Variants in SCFD2 observed in about 807,000 individuals in gnomAD.
The protein encoded by SCFD2 is sec1 family domain-containing protein 2.
SCFD2 carries 54 observed loss-of-function variants against 58.9 expected under a neutral mutation model. The ratio of observed to expected loss-of-function variants is 0.92; its 90% CI spans 0.74 to 1.15. The LOEUF (loss-of-function observed/expected upper bound fraction) is 1.15, where lower values mean the gene tolerates loss of function less well. Ranked by LOEUF, SCFD2 falls within the 50% of genes most tolerant of loss-of-function variation. The probability of loss-of-function intolerance (pLI) is 0.00; values close to 1 mark genes in which losing one functional copy is unlikely to be tolerated. For synonymous variants in SCFD2, 321 were observed against 335.9 expected, an observed-to-expected ratio of 0.96 and a Z score of 0.49; for missense variants, 805 against 836.6, an observed-to-expected ratio of 0.96 and a Z score of 0.47.
chr4:53,157,812 C>CT (rs1726734825), intron 4 of SCFD2, among the ~76,000 whole-genome samples: 1 of 152,168 alleles, frequency 6.6e-6, no homozygotes, highest in Non-Finnish European at 1.5e-5. Flanking sequence ...CTTTTCCTCT[C>CT]TCCACAGCTG....
At chr4:53,338,144 T>G (rs1337268504) in intron 2 of SCFD2, among the ~76,000 whole-genome samples, 1 of 152,242 alleles carries the variant, frequency 6.6e-6, no homozygotes, top group Non-Finnish European at 1.5e-5. Context: ...GCTGTATGAC[T>G]GATTTCAGAC....
chr4:53,212,840 C>A (rs558513399), intron 4 of SCFD2, among the ~76,000 whole-genome samples: 1 of 151,642 alleles, frequency 6.6e-6, no homozygotes, highest in Non-Finnish European at 1.5e-5. Context: ...TAACTCATCA[C>A]AATGATTACA....
At chr4:53,098,433 G>T (rs1432106694) in intron 5 of SCFD2, among the ~76,000 whole-genome samples, 2 of 152,128 alleles carry the variant, frequency 1.3e-5, no homozygotes, top group Non-Finnish European at 2.9e-5. Flanking sequence ...CTTCTTTGTG[G>T]TTTAGTCTTG....
chr4:53,173,403 G>A (rs1727236357), intron 4 of SCFD2, among the ~76,000 whole-genome samples: 3 of 152,030 alleles, frequency 2.0e-5, no homozygotes, highest in Admixed American at 6.6e-5. Context: ...AACTACCTCT[G>A]CTGTTTTTTG....
At chr4:53,279,550 A>G (rs537592718) in intron 3 of SCFD2, among the ~76,000 whole-genome samples, 2 of 152,338 alleles carry the variant, frequency 1.3e-5, no homozygotes, top group South Asian at 4.1e-4. Flanking sequence ...GTCTTGGGTA[A>G]AAGGTTACAG....
intron 6 of SCFD2, among the ~76,000 whole-genome samples, chr4:52,910,688 C>A (rs1705523254): frequency 6.6e-6 from 1 of 152,050 alleles, no homozygotes; most frequent in South Asian, 2.1e-4. Flanking sequence ...GTGTCCCTAC[C>A]CAAATCTCAT....
chr4:53,166,372 C>A (rs1367956253), intron 4 of SCFD2, among the ~76,000 whole-genome samples: 1 of 151,730 alleles, frequency 6.6e-6, no homozygotes, highest in Non-Finnish European at 1.5e-5. Flanking sequence ...GCTTTTGTGG[C>A]AAAAAGGAAA....
chr4:53,126,202 T>A (rs887354585), intron 5 of SCFD2, among the ~76,000 whole-genome samples: 4 of 152,224 alleles, frequency 2.6e-5, no homozygotes, highest in African/African-American at 9.6e-5. Context: ...CCTTTGCCAG[T>A]ACTACCTTAG....
At chr4:53,256,294 G>T (rs1388467896) in intron 4 of SCFD2, among the ~76,000 whole-genome samples, 3 of 147,522 alleles carry the variant, frequency 2.0e-5, no homozygotes, top group South Asian at 4.4e-4. Context: ...ATGGGGCGGC[G>T]GGGCAGAGGC....
chr4:53,296,604 A>AT (rs908860724), intron 3 of SCFD2, among the ~76,000 whole-genome samples: 5 of 151,892 alleles, frequency 3.3e-5, no homozygotes, highest in Non-Finnish European at 5.9e-5. Flanking sequence ...GGATTCACTG[A>AT]TTTTTTTGAA....
chr4:53,257,623 T>C (rs1245419416), intron 4 of SCFD2, among the ~76,000 whole-genome samples: 1 of 152,150 alleles, frequency 6.6e-6, no homozygotes, highest in Non-Finnish European at 1.5e-5. Flanking sequence ...TGGGTTTTTG[T>C]GGGGTTTTTT....
intron 4 of SCFD2, among the ~76,000 whole-genome samples, chr4:53,210,326 T>C (rs1318093585): frequency 6.6e-6 from 1 of 152,052 alleles, no homozygotes; most frequent in East Asian, 1.9e-4. Context: ...AGGCCAATAG[T>C]TCTCAAACTG....
At chr4:53,228,635 C>G (rs1446919757) in intron 4 of SCFD2, among the ~76,000 whole-genome samples, 5 of 152,058 alleles carry the variant, frequency 3.3e-5, no homozygotes, top group Non-Finnish European at 2.9e-5. Context: ...ATAATAAGAG[C>G]TATTTATGAC....
intron 4 of SCFD2, among the ~76,000 whole-genome samples, chr4:53,176,366 C>T (rs1727328501): frequency 6.6e-6 from 1 of 152,000 alleles, no homozygotes; most frequent in South Asian, 2.1e-4. Context: ...AAACACATAA[C>T]TGAAACCCTC....
chr4:52,895,997 T>G (rs1448857072), intron 7 of SCFD2, among the ~76,000 whole-genome samples: 1 of 152,230 alleles, frequency 6.6e-6, no homozygotes, highest in East Asian at 1.9e-4. Context: ...TGGCCCACTT[T>G]TTGATGGGGT....
chr4:53,217,469 G>A (rs1360685318), intron 4 of SCFD2, among the ~76,000 whole-genome samples: 1 of 152,100 alleles, frequency 6.6e-6, no homozygotes, highest in Non-Finnish European at 1.5e-5. Context: ...TGCAACCCCT[G>A]CCTTTTTTTG....
intron 5 of SCFD2, among the ~76,000 whole-genome samples, chr4:52,923,688 A>G (rs775076140): frequency 5.9e-5 from 9 of 152,086 alleles, no homozygotes; most frequent in Non-Finnish European, 1.2e-4. Context: ...GAAAATGTGT[A>G]GTTTTATGGG....
intron 3 of SCFD2, among the ~76,000 whole-genome samples, chr4:53,307,745 G>A (rs1268542639): frequency 6.6e-6 from 1 of 152,146 alleles, no homozygotes; most frequent in African/African-American, 2.4e-5. Flanking sequence ...TGGCTGGGGT[G>A]GTACCTCTGA....
chr4:53,251,090 T>G (rs1395169114), intron 4 of SCFD2, among the ~76,000 whole-genome samples: 4 of 152,076 alleles, frequency 2.6e-5, no homozygotes, highest in South Asian at 2.1e-4. Context: ...TACCATCAGA[T>G]AATACTACAA....
Sources: allele counts gnomAD v4.1 joint callset (sites outside exome capture counted in the v4.1 genomes callset), GRCh38; gene constraint gnomAD v4.1.1; transcripts MANE v1.5; gene names NCBI Gene and HGNC (gene_info 2026-07-23, HGNC 2026-07-21).